RAPGEF4: variants seen among roughly 807,000 people sequenced by gnomAD.
RAPGEF4 encodes Rap guanine nucleotide exchange factor 4.
A neutral mutation model predicts 147.9 loss-of-function variants in RAPGEF4; 66 were observed. The observed-to-expected ratio is 0.45, with a 90% confidence interval of 0.37 to 0.55. RAPGEF4 has a LOEUF of 0.55. Among genes scored for constraint, RAPGEF4 ranks in the 20% least tolerant of loss-of-function variants. The pLI, the probability that RAPGEF4 is intolerant of heterozygous loss-of-function variation, is 0.00. For synonymous variants in RAPGEF4, 419 were observed against 442.7 expected (o/e 0.95, Z 0.67); for missense variants, 1,071 against 1,257.3 (o/e 0.85, Z 2.24).
chr2:172,772,845 C>T (rs2149491878), intron 1 of RAPGEF4, among the ~76,000 whole-genome samples: 1 of 152,258 alleles, frequency 6.6e-6, no homozygotes, highest in South Asian at 2.1e-4. Flanking sequence ...CTTTTGTGCT[C>T]TTTATTTACT....
At chr2:172,979,754 G>A (rs988730255) in intron 10 of RAPGEF4, among the ~76,000 whole-genome samples, 1 of 152,208 alleles carries the variant, frequency 6.6e-6, no homozygotes, top group East Asian at 1.9e-4. Flanking sequence ...GGTGTCTGAT[G>A]CCTGTAATCC....
At chr2:172,759,994 C>A (rs1485812166) in intron 1 of RAPGEF4, among the ~76,000 whole-genome samples, 1 of 152,164 alleles carries the variant, frequency 6.6e-6, no homozygotes, top group Non-Finnish European at 1.5e-5. Context: ...CCTCATGTAT[C>A]CCAGGCTGGA....
chr2:172,902,664 G>A (rs568370599), intron 4 of RAPGEF4, among the ~76,000 whole-genome samples: 3 of 152,122 alleles, frequency 2.0e-5, no homozygotes, highest in African/African-American at 4.8e-5. Flanking sequence ...TTTCATTATT[G>A]ACACCTCCTA....
intron 1 of RAPGEF4, among the ~76,000 whole-genome samples, chr2:172,757,623 T>A (rs1026565359): frequency 6.6e-6 from 1 of 152,238 alleles, no homozygotes; most frequent in Non-Finnish European, 1.5e-5. Context: ...ATAATACAAG[T>A]GCATGTATTT....
At chr2:172,979,718 A>G (rs917661191) in intron 10 of RAPGEF4, among the ~76,000 whole-genome samples, 5 of 152,244 alleles carry the variant, frequency 3.3e-5, no homozygotes, top group African/African-American at 4.8e-5. Context: ...CCACGGAGGA[A>G]TAAATGTTAG....
At chr2:173,007,941 A>G (rs1048346202) in intron 17 of RAPGEF4, among the ~76,000 whole-genome samples, 2 of 152,222 alleles carry the variant, frequency 1.3e-5, no homozygotes, top group East Asian at 1.9e-4. Context: ...CTTCTGTAAA[A>G]TAGGGGTAAT....
At chr2:172,735,580 G>A (rs1574631882), upstream of RAPGEF4, 3 of 152,258 alleles carry the variant, frequency 2.0e-5, no homozygotes, top group Admixed American at 1.3e-4. Context: ...CCGCCTCAGA[G>A]GCCCCGGGGT....
intron 6 of RAPGEF4, among the ~76,000 whole-genome samples, chr2:172,958,049 C>G (rs545251788): frequency 1.4e-4 from 22 of 152,258 alleles, no homozygotes; most frequent in African/African-American, 5.1e-4. Flanking sequence ...TTCATTGCAC[C>G]TACCAAAGAA....
At chr2:172,893,141 C>T (rs1698115686) in intron 4 of RAPGEF4, among the ~76,000 whole-genome samples, 1 of 152,186 alleles carries the variant, frequency 6.6e-6, no homozygotes, top group East Asian at 1.9e-4. Flanking sequence ...TGCTAGAAAT[C>T]TCCCCAGAGT....
chr2:172,960,257 G>A (rs1400715450), intron 6 of RAPGEF4, among the ~76,000 whole-genome samples: 1 of 152,158 alleles, frequency 6.6e-6, no homozygotes, highest in African/African-American at 2.4e-5. Flanking sequence ...GCATAGAACC[G>A]CCAAGAAGTC....
At chr2:172,947,114 C>G (rs1687751608) in intron 6 of RAPGEF4, among the ~76,000 whole-genome samples, 1 of 152,132 alleles carries the variant, frequency 6.6e-6, no homozygotes, top group Admixed American at 6.6e-5. Flanking sequence ...GTTGTTAAGA[C>G]TCAAATCATT....
At chr2:173,026,719 G>A in intron 24 of RAPGEF4, 22 bp downstream of exon 24, 1 of 1,611,686 alleles carries the variant, frequency 6.2e-7, no homozygotes, top group Non-Finnish European at 8.5e-7. Context: ...GATCAGATGT[G>A]TTAGTAGCTG....
intron 5 of RAPGEF4, among the ~76,000 whole-genome samples, chr2:172,920,489 G>A (rs943110649): frequency 1.1e-4 from 16 of 152,108 alleles, no homozygotes; most frequent in Admixed American, 3.3e-4. Context: ...TGTCTTAAAC[G>A]TCTTTTAATG....
chr2:173,001,492 A>T (rs1393346090), intron 17 of RAPGEF4, 148 bp downstream of exon 17: 59 of 977,566 alleles, frequency 6.0e-5, no homozygotes, highest in Non-Finnish European at 8.9e-5. Context: ...GTGTTTTCCC[A>T]CATTTCCCAC....
chr2:172,937,438 T>C (rs1018832778), intron 6 of RAPGEF4, among the ~76,000 whole-genome samples: 2 of 152,170 alleles, frequency 1.3e-5, no homozygotes, highest in Admixed American at 6.5e-5. Context: ...TGTCCCTCTA[T>C]TGGGATTTGT....
At chr2:172,811,905 T>C (rs1688060290) in intron 3 of RAPGEF4, among the ~76,000 whole-genome samples, 2 of 152,210 alleles carry the variant, frequency 1.3e-5, no homozygotes, top group South Asian at 4.1e-4. Context: ...GTGATTTAAA[T>C]GTAAATAAGG....
chr2:172,925,777 A>AAGAG lies in RAPGEF4; in HGVS notation c.537+3495_537+3498dup, dbSNP rs67773579. 4.1e-3 allele frequency among the ~76,000 whole-genome samples: 546 copies of AAGAG among 133,880 alleles called. 1 individual carries two copies. The highest frequency in any genetic ancestry group is 9.3e-3 in the African/African-American group (329 of 35,266). The allele number at this position is 133,880 out of a possible 152,430, so 87.8% of individuals were successfully genotyped here. On this transcript the variant is annotated intron_variant, in intron 6 of 30. Transcript: ENST00000397081. ...AAAGAGAGAAAGGAAGAAAGAAAGA[A>AAGAG]AGAGAGAGAGAGAGAGAGAGAAAGA... is the stretch of plus-strand genomic sequence containing the variant.
chr2:172,853,769 C>T lies in RAPGEF4; in HGVS notation c.444+39344C>T, dbSNP rs190602021. ...TCAGTTCAAAATACTGTGTATTTCC[C>T]CTATGATTTCTTCTTTGGCCCATGG... On this transcript the variant is annotated intron_variant, in intron 4 of 30. Coordinates refer to ENST00000397081, the MANE Select transcript of RAPGEF4 (RefSeq NM_007023.4). Among the ~76,000 whole-genome samples the T allele has an allele frequency of 1.7e-3, 262 of 151,892 alleles. 1 individual carries two copies. Among genetic ancestry groups the T allele is most frequent in the Non-Finnish European group, 3.1e-3 (212 of 67,822 alleles).
At chr2:172,918,203 A>G (rs575683179) in intron 5 of RAPGEF4, among the ~76,000 whole-genome samples, 3 of 125,754 alleles carry the variant, frequency 2.4e-5, no homozygotes, top group South Asian at 5.2e-4. Context: ...CACGAACTGT[A>G]TTTGTTTCAG....
Sources: gnomAD v4.1 joint callset for allele counts (sites outside exome capture counted in the v4.1 genomes callset) on GRCh38, gnomAD v4.1.1 for gene constraint, MANE v1.5 for transcripts, NCBI Gene and HGNC (gene_info 2026-07-23, HGNC 2026-07-21) for gene names.